Variants in STAC observed in about 807,000 individuals in gnomAD.
The protein encoded by STAC is SH3 and cysteine-rich domain-containing protein.
Under a neutral mutation model 48.8 loss-of-function variants are expected in STAC, and 43 were observed. The ratio of observed to expected loss-of-function variants is 0.88; its 90% CI spans 0.69 to 1.14. The LOEUF (loss-of-function observed/expected upper bound fraction) is 1.14, where lower values mean the gene tolerates loss of function less well. STAC is among the 50% of genes most tolerant of loss of function. The probability of loss-of-function intolerance (pLI) is 0.00; values close to 1 mark genes in which losing one functional copy is unlikely to be tolerated. For synonymous variants in STAC, 193 were observed against 179.5 expected (o/e 1.07, Z -0.60); for missense variants, 497 against 504.0 (o/e 0.99, Z 0.13).
At chr3:36,440,498 T>G (rs1200554046) in intron 1 of STAC, among the ~76,000 whole-genome samples, 2 of 152,184 alleles carry the variant, frequency 1.3e-5, no homozygotes, top group African/African-American at 4.8e-5. Context: ...TCATAATCCT[T>G]CAGGCTACAT....
chr3:36,438,270 A>G (rs1696212690), intron 1 of STAC, among the ~76,000 whole-genome samples: 2 of 152,306 alleles, frequency 1.3e-5, no homozygotes, highest in Non-Finnish European at 2.9e-5. Flanking sequence ...CCCTATCCAC[A>G]AGGTTGCTAG....
chr3:36,535,451 A>G (rs1223826092), intron 10 of STAC, among the ~76,000 whole-genome samples: 1 of 152,144 alleles, frequency 6.6e-6, no homozygotes, highest in Non-Finnish European at 1.5e-5. Flanking sequence ...TCCTATCTGA[A>G]TACCTGTTGT....
At chr3:36,380,979 G>A (rs1395618072) in intron 1 of STAC, among the ~76,000 whole-genome samples, 2 of 152,118 alleles carry the variant, frequency 1.3e-5, no homozygotes. Context: ...GCAATTCATG[G>A]TGGCTCCGGG....
At chr3:36,523,106 C>G (rs1698845218) in intron 8 of STAC, among the ~76,000 whole-genome samples, 1 of 152,218 alleles carries the variant, frequency 6.6e-6, no homozygotes, top group African/African-American at 2.4e-5. Context: ...ACCATTGGTT[C>G]TCACGCACAT....
intron 1 of STAC, among the ~76,000 whole-genome samples, chr3:36,437,155 G>A (rs1700854797): frequency 6.6e-6 from 1 of 151,734 alleles, no homozygotes. Flanking sequence ...TGGAGAAACA[G>A]GAACACTTTT....
At chr3:36,390,234 A>G (rs1699721601) in intron 1 of STAC, among the ~76,000 whole-genome samples, 1 of 152,126 alleles carries the variant, frequency 6.6e-6, no homozygotes, top group Admixed American at 6.5e-5. Context: ...ATTCAACTTA[A>G]AGACAAATCC....
chr3:36,510,812 TG>T (rs1698519050), intron 8 of STAC, among the ~76,000 whole-genome samples: 2 of 151,826 alleles, frequency 1.3e-5, no homozygotes, highest in Admixed American at 1.3e-4. Flanking sequence ...TGTTGGGGGT[TG>T]GGGGGCTAAG....
chr3:36,402,876 T>C (rs984338437), intron 1 of STAC, among the ~76,000 whole-genome samples: 3 of 151,328 alleles, frequency 2.0e-5, no homozygotes, highest in African/African-American at 7.4e-5. Flanking sequence ...CTCAGAGTCT[T>C]ATCTGCAGAG....
At chr3:36,439,547 G>A (rs985606925) in intron 1 of STAC, among the ~76,000 whole-genome samples, 2 of 152,174 alleles carry the variant, frequency 1.3e-5, no homozygotes, top group Non-Finnish European at 2.9e-5. Context: ...ACCTCTCCCT[G>A]AGTTGCACAT....
chr3:36,444,332 T>G (rs1489862647), intron 2 of STAC, among the ~76,000 whole-genome samples: 4 of 152,208 alleles, frequency 2.6e-5, no homozygotes, highest in Non-Finnish European at 4.4e-5. Flanking sequence ...AAAAAGTAGT[T>G]TTAAAGTGCT....
At chr3:36,462,944 A>T (rs1405128303) in intron 2 of STAC, among the ~76,000 whole-genome samples, 1 of 152,176 alleles carries the variant, frequency 6.6e-6, no homozygotes, top group East Asian at 1.9e-4. Context: ...ATAATATAAC[A>T]ATTTTATATG....
chr3:36,474,594 C>G (rs952123993), intron 2 of STAC, among the ~76,000 whole-genome samples: 1 of 152,086 alleles, frequency 6.6e-6, no homozygotes, highest in African/African-American at 2.4e-5. Context: ...TCCTCACTAG[C>G]TGCATATTGT....
At chr3:36,502,344 T>A (rs1024033433) in intron 6 of STAC, among the ~76,000 whole-genome samples, 2 of 152,226 alleles carry the variant, frequency 1.3e-5, no homozygotes, top group Non-Finnish European at 2.9e-5. Flanking sequence ...TTTTCTCCGC[T>A]TTCATTAACT....
chr3:36,529,056 T>G (rs1699006060), intron 10 of STAC, 71 bp downstream of exon 10: 1 of 1,408,180 alleles, frequency 7.1e-7, no homozygotes, highest in Non-Finnish European at 9.5e-7. Context: ...CTTAATAATA[T>G]GTATAAATCT....
chr3:36,530,024 G>A (rs1029822936), intron 10 of STAC, among the ~76,000 whole-genome samples: 6 of 152,176 alleles, frequency 3.9e-5, no homozygotes, highest in Non-Finnish European at 8.8e-5. Context: ...GGAGGCTGAG[G>A]CAGGAGAATC....
At chr3:36,393,272 A>G (rs1699789727) in intron 1 of STAC, among the ~76,000 whole-genome samples, 1 of 152,140 alleles carries the variant, frequency 6.6e-6, no homozygotes, top group Non-Finnish European at 1.5e-5. Flanking sequence ...ACTTCTTTGC[A>G]AACACCCTCA....
intron 1 of STAC, among the ~76,000 whole-genome samples, chr3:36,424,318 A>T (rs1164378433): frequency 6.6e-6 from 1 of 152,054 alleles, no homozygotes; most frequent in Non-Finnish European, 1.5e-5. Flanking sequence ...CTTGTTTTAG[A>T]GTCCAGCCAT....
intron 5 of STAC, among the ~76,000 whole-genome samples, chr3:36,486,901 A>T (rs896931938): frequency 6.6e-6 from 1 of 152,232 alleles, no homozygotes; most frequent in Admixed American, 6.5e-5. Flanking sequence ...ACAACTCTGC[A>T]GCCCATGCTG....
At chr3:36,520,826 C>T (rs898472830) in intron 8 of STAC, among the ~76,000 whole-genome samples, 5 of 152,120 alleles carry the variant, frequency 3.3e-5, no homozygotes, top group African/African-American at 4.8e-5. Context: ...TTCTGGAGAG[C>T]GTGATCCATG....
Sources: allele counts gnomAD v4.1 joint callset (sites outside exome capture counted in the v4.1 genomes callset), GRCh38; gene constraint gnomAD v4.1.1; transcripts MANE v1.5; gene names NCBI Gene and HGNC (gene_info 2026-07-23, HGNC 2026-07-21).